The following GPR39 variants were observed in gnomAD, a reference collection of about 807,000 sequenced individuals.
The protein encoded by GPR39 is G protein-coupled receptor 39, also known as zinc sensing receptor.
Under a neutral mutation model 18.4 loss-of-function variants are expected in GPR39, and 23 were observed. The ratio of observed to expected loss-of-function variants is 1.25; its 90% CI spans 0.90 to 1.77. The LOEUF is 1.77. GPR39 is among the 40% of genes most tolerant of loss of function. GPR39 has a pLI of 0.00. For synonymous variants in GPR39, 280 were observed against 257.9 expected, an observed-to-expected ratio of 1.09 and a Z score of -0.82; for missense variants, 647 against 602.4, an observed-to-expected ratio of 1.07 and a Z score of -0.78.
intron 1 of GPR39, among the ~76,000 whole-genome samples, chr2:132,561,625 A>G (rs1415168861): frequency 6.6e-6 from 1 of 151,470 alleles, no homozygotes; most frequent in Non-Finnish European, 1.5e-5. Context: ...CAGATAAGGA[A>G]TTGGCTTACA....
At chr2:132,632,811 TG>T (rs1433372114) in intron 1 of GPR39, among the ~76,000 whole-genome samples, 1 of 152,224 alleles carries the variant, frequency 6.6e-6, no homozygotes, top group Non-Finnish European at 1.5e-5. Flanking sequence ...ACCTCTCTTC[TG>T]GGGCAGATGA....
rs186991170 is a variant in GPR39, at chr2:132,508,157, C to T, written c.856+90259C>T. On this transcript the variant is annotated intron_variant, in intron 1 of 1. Coordinates refer to ENST00000329321, the MANE Select transcript of GPR39 (RefSeq NM_001508.3). ...CACCTCATTAGCATAAACTCAGATGCGGTCTGAGGGTCCACTTGGAATAAT... is the reference window on the plus strand; with the variant it reads ...CACCTCATTAGCATAAACTCAGATGTGGTCTGAGGGTCCACTTGGAATAAT... Among the ~76,000 whole-genome samples the T allele has an allele frequency of 7.6e-4, 115 of 152,224 alleles. 2 individuals are homozygous for T. Among genetic ancestry groups the T allele is most frequent in the African/African-American group, 1.8e-3 (73 of 41,520 alleles).
intron 1 of GPR39, among the ~76,000 whole-genome samples, chr2:132,553,373 ATG>A (rs753691172): frequency 2.7e-5 from 4 of 149,016 alleles, no homozygotes. Flanking sequence ...ATATGTATAT[ATG>A]TGTGTATATA....
intron 1 of GPR39, among the ~76,000 whole-genome samples, chr2:132,600,354 A>G (rs1681016529): frequency 6.6e-6 from 1 of 152,216 alleles, no homozygotes; most frequent in Non-Finnish European, 1.5e-5. Context: ...GAAAAGCAAA[A>G]ACAAAACAAA....
chr2:132,534,925 C>A (rs1397481244), intron 1 of GPR39, among the ~76,000 whole-genome samples: 1 of 151,858 alleles, frequency 6.6e-6, no homozygotes, highest in Non-Finnish European at 1.5e-5. Flanking sequence ...ACCAACATGG[C>A]ACATGTGTAC....
chr2:132,471,482 C>T (rs1341271755), intron 1 of GPR39, among the ~76,000 whole-genome samples: 2 of 152,098 alleles, frequency 1.3e-5, no homozygotes, highest in Non-Finnish European at 1.5e-5. Flanking sequence ...TTAGGATGCA[C>T]AGCCTCCACA....
At chr2:132,463,077 G>T (rs2003203) in intron 1 of GPR39, among the ~76,000 whole-genome samples, 1 of 151,938 alleles carries the variant, frequency 6.6e-6, no homozygotes, top group Non-Finnish European at 1.5e-5. Flanking sequence ...ATCCTCTGTC[G>T]TGCACCAGGC....
chr2:132,606,731 T>C (rs377330758), intron 1 of GPR39, among the ~76,000 whole-genome samples: 6 of 152,072 alleles, frequency 3.9e-5, no homozygotes, highest in Non-Finnish European at 8.8e-5. Flanking sequence ...GCTTAGAGGG[T>C]GAGTGCAAGG....
rs767692490 is a variant in GPR39, at chr2:132,646,142, C to A, written c.*536C>A. 6.2e-7 allele frequency: 1 copy of A among 1,612,026 alleles called. No individual in the cohort carries two copies. The highest frequency in any genetic ancestry group is 2.2e-5 in the East Asian group (1 of 44,788). On this transcript the variant is annotated 3_prime_UTR_variant, in exon 2 of 2. Transcript: ENST00000329321. The stretch of plus-strand genomic sequence containing the variant: ...GGCAGAACTTCCCCTTTTCTTGGGC[C>A]TTGGCCCGTTACAAAGAGGGGTGTT...
intron 1 of GPR39, among the ~76,000 whole-genome samples, chr2:132,419,203 C>T (rs1292113365): frequency 1.3e-5 from 2 of 152,200 alleles, no homozygotes; most frequent in Non-Finnish European, 2.9e-5. Context: ...GGCAGGTGAC[C>T]AGCTGACTTG....
intron 1 of GPR39, among the ~76,000 whole-genome samples, chr2:132,430,721 C>T (rs1285180422): frequency 5.3e-5 from 8 of 152,072 alleles, no homozygotes; most frequent in African/African-American, 1.2e-4. Context: ...TGGACAGTGC[C>T]GTCAAGACTG....
chr2:132,526,666 T>C (rs10928423), intron 1 of GPR39, among the ~76,000 whole-genome samples: 25,191 of 152,124 alleles, frequency 0.17, 2,112 homozygotes, highest in Middle Eastern at 0.24. Flanking sequence ...AGCACCTGCA[T>C]ACTCTGGACT....
At chr2:132,564,384 A>G (rs570111236) in intron 1 of GPR39, among the ~76,000 whole-genome samples, 1 of 152,274 alleles carries the variant, frequency 6.6e-6, no homozygotes, top group South Asian at 2.1e-4. Context: ...AGATATGACT[A>G]ATGAGCTCAA....
At chr2:132,462,720 A>G (rs1408232823) in intron 1 of GPR39, among the ~76,000 whole-genome samples, 1 of 152,142 alleles carries the variant, frequency 6.6e-6, no homozygotes, top group East Asian at 1.9e-4. Flanking sequence ...TCAGCCACAC[A>G]CTAGCCTGAT....
intron 1 of GPR39, among the ~76,000 whole-genome samples, chr2:132,586,023 C>G (rs957267103): frequency 7.1e-6 from 1 of 140,358 alleles, no homozygotes; most frequent in African/African-American, 2.7e-5. Context: ...CATTAACACT[C>G]CCATTTGTGG....
At chr2:132,527,758 A>C (rs573417604) in intron 1 of GPR39, among the ~76,000 whole-genome samples, 2 of 152,282 alleles carry the variant, frequency 1.3e-5, no homozygotes, top group African/African-American at 4.8e-5. Flanking sequence ...GTGTCTGTTC[A>C]TATCCTACTC....
chr2:132,531,080 C>T (rs1188768498), intron 1 of GPR39, among the ~76,000 whole-genome samples: 1 of 152,082 alleles, frequency 6.6e-6, no homozygotes, highest in Non-Finnish European at 1.5e-5. Context: ...AGAGTCAAGA[C>T]CCATCAGTGT....
At chr2:132,467,122 C>T (rs1344966342) in intron 1 of GPR39, among the ~76,000 whole-genome samples, 1 of 152,112 alleles carries the variant, frequency 6.6e-6, no homozygotes, top group South Asian at 2.1e-4. Context: ...CTTTTGGAGT[C>T]AAAGAGAACC....
rs1201744709 is a variant in GPR39, at chr2:132,577,636, GTGAC to G, written c.857-67458_857-67455del. 6.6e-5 allele frequency among the ~76,000 whole-genome samples: 10 copies of G among 151,270 alleles called. No homozygotes were observed. In the East Asian group the frequency reaches 9.6e-4, roughly 15 times the overall value. On this transcript the variant is annotated intron_variant, in intron 1 of 1. Transcript: ENST00000329321. ...ATTTATATATAAATATTTTCTTTGA[GTGAC>G]TGACTGTAAGTGGCATTGTCTTTTA...
Sources: gnomAD v4.1 joint callset for allele counts (sites outside exome capture counted in the v4.1 genomes callset) on GRCh38, gnomAD v4.1.1 for gene constraint, MANE v1.5 for transcripts, NCBI Gene and HGNC (gene_info 2026-07-23, HGNC 2026-07-21) for gene names.